PPP4R2: variants seen among roughly 807,000 people sequenced by gnomAD.
PPP4R2 encodes serine/threonine-protein phosphatase 4 regulatory subunit 2.
A neutral mutation model predicts 47.2 loss-of-function variants in PPP4R2; 13 were observed. The observed-to-expected ratio is 0.28, with a 90% confidence interval of 0.18 to 0.44. The LOEUF is 0.44. Ranked by LOEUF, PPP4R2 falls within the 20% of genes least tolerant of loss-of-function variation. The pLI is 1.00. For missense variants in PPP4R2, 421 were observed against 491.2 expected (o/e 0.86, Z 1.35); for synonymous variants, 151 against 163.3 (o/e 0.92, Z 0.57).
chr3:73,047,446 G>A, intron 3 of PPP4R2, 90 bp downstream of exon 3: 5 of 758,324 alleles, frequency 6.6e-6, no homozygotes, highest in Non-Finnish European at 8.1e-6. Flanking sequence ...GTTGATGATT[G>A]ATTATCCATT....
At chr3:73,052,851 T>C (rs1028327970) in intron 3 of PPP4R2, among the ~76,000 whole-genome samples, 1 of 152,226 alleles carries the variant, frequency 6.6e-6, no homozygotes, top group African/African-American at 2.4e-5. Flanking sequence ...TTTTGATACC[T>C]AATAATCTTT....
rs546224125 is a variant in PPP4R2 at position 73,027,909 on chromosome 3, CT to C, written c.117-19263del. 503 of 131,640 alleles carry C rather than the reference CT, an allele frequency of 3.8e-3. 1 individual carries two copies. Among genetic ancestry groups the C allele is most frequent in the Middle Eastern group, 0.012 (3 of 252 alleles). The allele number at this position is 131,640 out of a possible 1,614,324, so 8.2% of individuals were successfully genotyped here. A position where few individuals can be genotyped will look rare whatever the true frequency, so the allele number is the denominator to read the frequency against. ...CCTCAAACTCCCATGTTAAAAAAAA[CT>C]TTTTTTTTTTTTTATGAGTGAATAG... On this transcript the variant is annotated intron_variant, in intron 2 of 8. Coordinates refer to ENST00000356692, the MANE Select transcript of PPP4R2 (RefSeq NM_174907.4).
chr3:73,027,591 T>C (rs1702090437), intron 2 of PPP4R2, among the ~76,000 whole-genome samples: 1 of 152,156 alleles, frequency 6.6e-6, no homozygotes, highest in Non-Finnish European at 1.5e-5. Context: ...AGATAATTAT[T>C]GAGTGCCTAC....
chr3:73,061,007 A>AT lies in PPP4R2; in HGVS notation c.382-11dup. ...TACTTTTCTTCATACTAAATCACTG[A>AT]TTTTTGTTATTGCAGAATGTGATGG... On this transcript the variant is annotated splice_polypyrimidine_tract_variant and intron_variant, in intron 4 of 8. Coordinates refer to ENST00000356692, the MANE Select transcript of PPP4R2 (RefSeq NM_174907.4). 6.5e-7 allele frequency: 1 copy of AT among 1,543,532 alleles called. No individual in the cohort carries two copies. The highest frequency in any genetic ancestry group is 8.8e-7 in the Non-Finnish European group (1 of 1,138,706).
At chr3:73,023,029 C>G (rs961795986) in intron 2 of PPP4R2, among the ~76,000 whole-genome samples, 4 of 152,016 alleles carry the variant, frequency 2.6e-5, no homozygotes, top group Non-Finnish European at 5.9e-5. Context: ...ATTGTTTGCT[C>G]AGAAGTTCAG....
intron 2 of PPP4R2, among the ~76,000 whole-genome samples, chr3:73,019,534 C>G (rs540545275): frequency 1.3e-5 from 2 of 152,048 alleles, no homozygotes; most frequent in Non-Finnish European, 2.9e-5. Flanking sequence ...CCACCACACC[C>G]GGCTAATTTT....
chr3:73,026,032 C>T (rs1195700148), intron 2 of PPP4R2, among the ~76,000 whole-genome samples: 1 of 151,994 alleles, frequency 6.6e-6, no homozygotes, highest in Non-Finnish European at 1.5e-5. Flanking sequence ...TTTTGCTTGC[C>T]CTTTCTAGTC....
intron 2 of PPP4R2, among the ~76,000 whole-genome samples, chr3:73,028,292 GCCTCCCAAAGGCTGGGATTA>G (rs1329981868): frequency 1.3e-5 from 2 of 149,990 alleles, no homozygotes; most frequent in Non-Finnish European, 1.5e-5. Flanking sequence ...GTCTTACTCA[GCCTCCCAAAGGCTGGGATTA>G]CAGGTGTGAG....
At position 73,066,239 on chromosome 3, in the gene PPP4R2, C is replaced by CATACATACATATAT. The variant is rs1553652539; in HGVS notation, c.*520_*521insCATACATATATATA. The CATACATACATATAT allele has an allele frequency of 1.3e-4, 18 of 134,116 alleles. No homozygotes were observed. The highest frequency in any genetic ancestry group is 3.3e-4 in the African/African-American group (12 of 36,578). 8.3% of individuals were successfully genotyped at this position (134,116 alleles called of 1,614,324 possible). ...TGGAACTTTAAGTCATATATACATA[C>CATACATACATATAT]ATATATATATATATATATATATAAT... On this transcript the variant is annotated 3_prime_UTR_variant, in exon 9 of 9. Coordinates refer to ENST00000356692, the MANE Select transcript of PPP4R2 (RefSeq NM_174907.4).
intron 2 of PPP4R2, among the ~76,000 whole-genome samples, chr3:73,045,005 T>C (rs1702453834): frequency 6.6e-6 from 1 of 152,170 alleles, no homozygotes; most frequent in Non-Finnish European, 1.5e-5. Flanking sequence ...TCACACAGTA[T>C]CTTTAAGAGA....
chr3:73,002,864 G>T (rs957336901), intron 2 of PPP4R2, among the ~76,000 whole-genome samples: 3 of 151,484 alleles, frequency 2.0e-5, no homozygotes, highest in African/African-American at 7.3e-5. Context: ...GGATGGTCTC[G>T]ATCTCCTGAC....
chr3:73,017,327 A>G (rs1003776432), intron 2 of PPP4R2, among the ~76,000 whole-genome samples: 16 of 145,180 alleles, frequency 1.1e-4, no homozygotes, highest in African/African-American at 4.2e-4. Flanking sequence ...GGTATACCTA[A>G]CCTTTAGTTT....
At chr3:73,063,052 T>C in intron 5 of PPP4R2, 1 of 764,782 alleles carries the variant, frequency 1.3e-6, no homozygotes, top group Non-Finnish European at 2.1e-6. Context: ...ATTGGGGAAA[T>C]ATTTTGAGTT....
chr3:72,998,054 T>C, intron 1 of PPP4R2, 23 bp from the exon 2 acceptor site: 2 of 1,539,822 alleles, frequency 1.3e-6, no homozygotes, highest in Non-Finnish European at 8.9e-7. Flanking sequence ...ACTGATAACG[T>C]TTTTTTTTCT....
intron 2 of PPP4R2, chr3:73,027,970 G>A (rs565849629): frequency 6.7e-6 from 1 of 149,920 alleles, no homozygotes; most frequent in East Asian, 2.0e-4. Context: ...TAAGAGACGG[G>A]GTGGGCTGGG....
intron 1 of PPP4R2, chr3:72,997,389 C>A (rs142296399): frequency 3.0e-4 from 83 of 276,954 alleles, no homozygotes; most frequent in African/African-American, 1.8e-3. Context: ...TCCCAGATAT[C>A]CTCTTTTCTC....
chr3:73,061,633 C>G (rs1702859861), intron 5 of PPP4R2: 1 of 176,428 alleles, frequency 5.7e-6, no homozygotes, highest in South Asian at 1.4e-4. Flanking sequence ...TATCTTTAGA[C>G]ATTGCCAAAT....
rs11300271 is a variant in PPP4R2, at chr3:73,059,936, G to GAA, written c.381+821_381+822dup. 1.1e-4 allele frequency among the ~76,000 whole-genome samples: 13 copies of GAA among 118,282 alleles called. 1 individual carries two copies. Among genetic ancestry groups the GAA allele is most frequent in the Admixed American group, 3.7e-4 (4 of 10,796 alleles). The allele number at this position is 118,282 out of a possible 152,430, so 77.6% of individuals were successfully genotyped here. On this transcript the variant is annotated intron_variant, in intron 4 of 8. Transcript: ENST00000356692. ...GGCAACAAAGTGAGACTCTGTCTCA[G>GAA]AAAAAAAAAAAAAAAAGGAAATGGT...
At chr3:73,014,701 C>T (rs1701787831) in intron 2 of PPP4R2, among the ~76,000 whole-genome samples, 1 of 151,648 alleles carries the variant, frequency 6.6e-6, no homozygotes, top group African/African-American at 2.4e-5. Context: ...TTTTTATTGC[C>T]ACTTGTAATT....
Sources: allele counts gnomAD v4.1 joint callset (sites outside exome capture counted in the v4.1 genomes callset), GRCh38; gene constraint gnomAD v4.1.1; transcripts MANE v1.5; gene names NCBI Gene and HGNC (gene_info 2026-07-23, HGNC 2026-07-21).